CDK13: variants seen among roughly 807,000 people sequenced by gnomAD.
CDK13 encodes cyclin-dependent kinase 13.
Under a neutral mutation model 137.6 loss-of-function variants are expected in CDK13, and 40 were observed. That is an observed-to-expected ratio of 0.29 (90% CI 0.23 to 0.38). CDK13 has a LOEUF of 0.38. CDK13 is among the 10% of genes least tolerant of loss of function. The pLI, the probability that CDK13 is intolerant of heterozygous loss-of-function variation, is 1.00. For synonymous variants in CDK13, 869 were observed against 760.1 expected (o/e 1.14, Z -2.36); for missense variants, 1,704 against 1,951.8 (o/e 0.87, Z 2.39).
At chr7:40,091,249 G>A (rs1786915757) in intron 12 of CDK13, among the ~76,000 whole-genome samples, 1 of 152,166 alleles carries the variant, frequency 6.6e-6, no homozygotes, top group Non-Finnish European at 1.5e-5. Flanking sequence ...TCGGGAGGCT[G>A]AGGCAGGAGA....
chr7:40,083,118 A>T (rs1786707049), intron 11 of CDK13, among the ~76,000 whole-genome samples: 1 of 151,748 alleles, frequency 6.6e-6, no homozygotes, highest in Non-Finnish European at 1.5e-5. Context: ...AAAAAAAAAA[A>T]AAAAGATTCT....
intron 6 of CDK13, among the ~76,000 whole-genome samples, chr7:40,046,250 G>A (rs757621895): frequency 6.6e-6 from 1 of 152,116 alleles, no homozygotes; most frequent in Non-Finnish European, 1.5e-5. Flanking sequence ...ATATACCCCC[G>A]AATCTAAAAT....
At chr7:39,972,502 A>G (rs925409839) in intron 1 of CDK13, among the ~76,000 whole-genome samples, 2 of 152,168 alleles carry the variant, frequency 1.3e-5, no homozygotes, top group African/African-American at 4.8e-5. Context: ...TTGGCAACCA[A>G]CGGTTGGTGA....
At chr7:40,044,199 G>GTA (rs1340474969) in intron 5 of CDK13, among the ~76,000 whole-genome samples, 7 of 151,544 alleles carry the variant, frequency 4.6e-5, no homozygotes, top group Non-Finnish European at 8.8e-5. Flanking sequence ...GCCTGGCTCA[G>GTA]TTTTGTATAA....
chr7:40,009,726 T>C (rs1784857680), intron 5 of CDK13, among the ~76,000 whole-genome samples: 1 of 152,224 alleles, frequency 6.6e-6, no homozygotes, highest in African/African-American at 2.4e-5. Context: ...TGCCAATTTA[T>C]ACTCCCAAAT....
intron 5 of CDK13, among the ~76,000 whole-genome samples, chr7:40,025,422 A>C (rs1785223307): frequency 6.6e-6 from 1 of 152,070 alleles, no homozygotes; most frequent in South Asian, 2.1e-4. Flanking sequence ...TAATTTAAAA[A>C]TTATTTAAAT....
At chr7:40,069,770 A>T (rs2150530977) in intron 9 of CDK13, 1 of 152,870 alleles carries the variant, frequency 6.5e-6, no homozygotes, top group East Asian at 1.9e-4. Context: ...TTATAATAGA[A>T]GTAGCATAGA....
intron 1 of CDK13, among the ~76,000 whole-genome samples, chr7:39,963,789 C>T (rs1190360575): frequency 1.0e-3 from 3 of 2,912 alleles, no homozygotes; most frequent in Non-Finnish European, 1.6e-3. Flanking sequence ...TTTTGAGATA[C>T]GTCCATCAAT....
intron 9 of CDK13, among the ~76,000 whole-genome samples, chr7:40,075,709 C>T (rs891284624): frequency 2.0e-5 from 3 of 152,092 alleles, no homozygotes; most frequent in Non-Finnish European, 4.4e-5. Context: ...AGGCAAAGTA[C>T]CTTAGAACTG....
chr7:39,957,656 T>C (rs1787459895), intron 1 of CDK13, among the ~76,000 whole-genome samples: 1 of 152,218 alleles, frequency 6.6e-6, no homozygotes, highest in Non-Finnish European at 1.5e-5. Context: ...TAGAGGATGC[T>C]GGGAGTCACT....
intron 5 of CDK13, among the ~76,000 whole-genome samples, chr7:40,012,643 A>C (rs1287033083): frequency 2.0e-5 from 3 of 151,726 alleles, no homozygotes; most frequent in Admixed American, 2.0e-4. Context: ...GGCCGGGTGC[A>C]GTGGCTCACG....
intron 9 of CDK13, among the ~76,000 whole-genome samples, chr7:40,076,671 A>G (rs937053927): frequency 8.5e-5 from 13 of 152,216 alleles, no homozygotes; most frequent in African/African-American, 3.1e-4. Flanking sequence ...TATTGAGACA[A>G]AAAAGTACAT....
At chr7:40,066,384 G>A (rs1028152382) in intron 9 of CDK13, among the ~76,000 whole-genome samples, 10 of 152,116 alleles carry the variant, frequency 6.6e-5, no homozygotes, top group African/African-American at 1.9e-4. Context: ...CATTCCCTCT[G>A]TAAAGAAAAA....
chr7:40,014,777 A>C (rs951278170), intron 5 of CDK13, among the ~76,000 whole-genome samples: 2 of 152,004 alleles, frequency 1.3e-5, no homozygotes, highest in African/African-American at 4.8e-5. Context: ...CTTTAACCAT[A>C]CATTTTCATG....
intron 1 of CDK13, chr7:39,952,191 G>A (rs1787244920): frequency 4.5e-6 from 1 of 223,458 alleles, no homozygotes; most frequent in Admixed American, 5.8e-5. Context: ...GGTAAACCTA[G>A]AGGTGGTTTA....
At chr7:39,963,740 G>A (rs145940114) in intron 1 of CDK13, among the ~76,000 whole-genome samples, 12,549 of 152,030 alleles carry the variant, frequency 0.083, 998 homozygotes, top group East Asian at 0.36. Context: ...TTGCCCATTC[G>A]GTATGATATT....
At chr7:40,071,301 A>G (rs968794375) in intron 9 of CDK13, 1 of 152,222 alleles carries the variant, frequency 6.6e-6, no homozygotes, top group Non-Finnish European at 1.5e-5. Flanking sequence ...TCATTTTAAC[A>G]TAATAATGTT....
chr7:40,029,637 G>A (rs1256804351), intron 5 of CDK13, among the ~76,000 whole-genome samples: 5 of 151,470 alleles, frequency 3.3e-5, no homozygotes, highest in Non-Finnish European at 5.9e-5. Context: ...GAGAGAGAGA[G>A]AGAGAAAAGA....
intron 7 of CDK13, chr7:40,061,454 G>C (rs1786146807): frequency 6.6e-6 from 1 of 152,194 alleles, no homozygotes; most frequent in Non-Finnish European, 1.5e-5. Flanking sequence ...GGCAGAGCAG[G>C]TCAGGCAGAT....
Sources: gnomAD v4.1 joint callset for allele counts (sites outside exome capture counted in the v4.1 genomes callset) on GRCh38, gnomAD v4.1.1 for gene constraint, MANE v1.5 for transcripts, NCBI Gene and HGNC (gene_info 2026-07-23, HGNC 2026-07-21) for gene names.